The following ZMAT4 variants were observed in gnomAD, a reference collection of about 807,000 sequenced individuals.
The protein encoded by ZMAT4 is zinc finger matrin-type 4.
Under a neutral mutation model 28.7 loss-of-function variants are expected in ZMAT4, and 17 were observed. That is an observed-to-expected ratio of 0.59 (90% CI 0.41 to 0.89). ZMAT4 has a LOEUF of 0.89. Among genes scored for constraint, ZMAT4 ranks in the 40% least tolerant of loss-of-function variants. The pLI, the probability that ZMAT4 is intolerant of heterozygous loss-of-function variation, is 0.00. For missense variants in ZMAT4, 240 were observed against 283.8 expected (o/e 0.85, Z 1.11); for synonymous variants, 117 against 109.2 (o/e 1.07, Z -0.44).
chr8:40,603,755 A>C (rs2118629414), intron 5 of ZMAT4, among the ~76,000 whole-genome samples: 1 of 152,164 alleles, frequency 6.6e-6, no homozygotes, highest in African/African-American at 2.4e-5. Context: ...CAGCCTCCCA[A>C]GTAGCTGGGA....
intron 3 of ZMAT4, among the ~76,000 whole-genome samples, chr8:40,716,036 C>A (rs1810839351): frequency 6.6e-6 from 1 of 152,240 alleles, no homozygotes; most frequent in Non-Finnish European, 1.5e-5. Flanking sequence ...GACACTTGTC[C>A]TCCAATTTCC....
chr8:40,805,273 A>T (rs1249584077), intron 2 of ZMAT4, among the ~76,000 whole-genome samples: 4 of 148,972 alleles, frequency 2.7e-5, no homozygotes, highest in Non-Finnish European at 3.0e-5. Context: ...GGCAATCATT[A>T]AAAAGTCAGG....
rs553120174 is a variant in ZMAT4 at position 40,858,561 on chromosome 8, C to A, written c.-4-32881G>T. Reference sequence around the variant, plus strand: ...ACTGGCTGAGAAGATGGCTTCATTTCTTTGGGTCTTAGAGAGATTCAATGC... The same window carrying A: ...ACTGGCTGAGAAGATGGCTTCATTTATTTGGGTCTTAGAGAGATTCAATGC... On this transcript the variant is annotated intron_variant, in intron 1 of 6. Transcript: ENST00000297737. Among the ~76,000 whole-genome samples, 15 of 152,290 alleles carry A rather than the reference C, an allele frequency of 9.8e-5. No homozygotes were observed. The South Asian group carries it at 3.1e-3, about 32-fold the overall frequency.
At position 40,743,520 on chromosome 8, in the gene ZMAT4, T is replaced by A. The variant is rs564744208; in HGVS notation, c.192+24121A>T. 1.3e-3 allele frequency among the ~76,000 whole-genome samples: 196 copies of A among 152,316 alleles called. 1 individual carries two copies. The highest frequency in any genetic ancestry group is 2.1e-3 in the Non-Finnish European group (143 of 68,024). ...ACCCAGGGGCTGTTCTCTCATTCGG[T>A]CCTTCATTTATTCATCCTACACTCA... On this transcript the variant is annotated intron_variant, in intron 3 of 6. Coordinates refer to ENST00000297737, the MANE Select transcript of ZMAT4 (RefSeq NM_024645.3).
intron 2 of ZMAT4, among the ~76,000 whole-genome samples, chr8:40,824,704 AAAAG>A (rs1815964039): frequency 1.5e-5 from 2 of 137,388 alleles, no homozygotes; most frequent in Non-Finnish European, 1.6e-5. Flanking sequence ...AGAAAGAAAG[AAAAG>A]AAAGAATGAA....
chr8:40,677,498 G>A (rs990129340), intron 4 of ZMAT4, among the ~76,000 whole-genome samples: 3 of 151,978 alleles, frequency 2.0e-5, no homozygotes, highest in Non-Finnish European at 2.9e-5. Context: ...GTTTCCTCAA[G>A]GTAAAAATTC....
intron 5 of ZMAT4, among the ~76,000 whole-genome samples, chr8:40,585,028 G>T (rs1272317086): frequency 6.6e-6 from 1 of 152,178 alleles, no homozygotes; most frequent in Non-Finnish European, 1.5e-5. Flanking sequence ...TGAACAAAGA[G>T]TAGAGTTTCC....
At chr8:40,597,669 T>A (rs1805149915) in intron 5 of ZMAT4, among the ~76,000 whole-genome samples, 1 of 152,226 alleles carries the variant, frequency 6.6e-6, no homozygotes, top group South Asian at 2.1e-4. Flanking sequence ...AAAAGGCAGA[T>A]TTTTCTTTTG....
chr8:40,714,096 A>G (rs143740010), intron 3 of ZMAT4, among the ~76,000 whole-genome samples: 299 of 152,260 alleles, frequency 2.0e-3, no homozygotes, highest in Middle Eastern at 3.4e-3. Context: ...TTGAAAAATA[A>G]TGTCTTATTG....
Position 40,561,621 on chromosome 8 carries a change from G to A in ZMAT4, c.674+19544C>T, listed in dbSNP as rs1033710932. ...CAACAGTCTGTCTTCCAGGCTCCAA[G>A]CACCAGCATTAGAGAGGGTGCTGAA... On this transcript the variant is annotated intron_variant, in intron 6 of 6. Coordinates refer to ENST00000297737, the MANE Select transcript of ZMAT4 (RefSeq NM_024645.3). Among the ~76,000 whole-genome samples, 25 of 152,186 alleles carry A rather than the reference G, an allele frequency of 1.6e-4. 1 individual carries two copies. Among genetic ancestry groups the A allele is most frequent in the Non-Finnish European group, 3.2e-4 (22 of 68,008 alleles).
intron 1 of ZMAT4, among the ~76,000 whole-genome samples, chr8:40,887,257 G>C (rs1455317272): frequency 6.6e-6 from 1 of 151,354 alleles, no homozygotes; most frequent in African/African-American, 2.4e-5. Flanking sequence ...GGGAGCCTGA[G>C]GAGGGTGGAT....
At chr8:40,687,031 C>T (rs1017289865) in intron 4 of ZMAT4, among the ~76,000 whole-genome samples, 4 of 152,116 alleles carry the variant, frequency 2.6e-5, no homozygotes, top group Non-Finnish European at 1.5e-5. Context: ...TGGCATGTTC[C>T]TGTAGCTGGT....
intron 3 of ZMAT4, among the ~76,000 whole-genome samples, chr8:40,701,879 T>G (rs1173809176): frequency 6.6e-6 from 1 of 152,128 alleles, no homozygotes; most frequent in African/African-American, 2.4e-5. Context: ...AATGGCTCTT[T>G]GCAACTCTAG....
At chr8:40,534,444 T>C (rs183066609) in intron 6 of ZMAT4, among the ~76,000 whole-genome samples, 5 of 152,208 alleles carry the variant, frequency 3.3e-5, no homozygotes, top group Admixed American at 2.6e-4. Context: ...TTTCTTTAAA[T>C]AGAAAATTGA....
At chr8:40,604,278 G>A (rs1451978894) in intron 5 of ZMAT4, among the ~76,000 whole-genome samples, 1 of 152,146 alleles carries the variant, frequency 6.6e-6, no homozygotes, top group Non-Finnish European at 1.5e-5. Flanking sequence ...TGGTGAAAGT[G>A]GGCATCCTTG....
chr8:40,597,455 G>C (rs1283958356), intron 5 of ZMAT4, among the ~76,000 whole-genome samples: 1 of 152,196 alleles, frequency 6.6e-6, no homozygotes, highest in African/African-American at 2.4e-5. Flanking sequence ...TCCTGGATCT[G>C]TGTGGGGGTC....
chr8:40,696,446 G>A (rs1025625986), intron 4 of ZMAT4, among the ~76,000 whole-genome samples: 3 of 152,186 alleles, frequency 2.0e-5, no homozygotes, highest in African/African-American at 7.2e-5. Flanking sequence ...TAGGCACCAT[G>A]AAATACGCCC....
chr8:40,825,272 T>C (rs925713142), intron 2 of ZMAT4, among the ~76,000 whole-genome samples: 3 of 152,112 alleles, frequency 2.0e-5, no homozygotes, highest in African/African-American at 7.2e-5. Context: ...AGGAACTTTG[T>C]GGATGCACAG....
intron 1 of ZMAT4, among the ~76,000 whole-genome samples, chr8:40,868,656 AC>A (rs1817754029): frequency 6.6e-6 from 1 of 151,906 alleles, no homozygotes; most frequent in Admixed American, 6.6e-5. Flanking sequence ...TGACCTGTCT[AC>A]TCTCTTCTCC....
Sources: gnomAD v4.1 joint callset for allele counts (sites outside exome capture counted in the v4.1 genomes callset) on GRCh38, gnomAD v4.1.1 for gene constraint, MANE v1.5 for transcripts, NCBI Gene and HGNC (gene_info 2026-07-23, HGNC 2026-07-21) for gene names.